The following ADAMTS2 variants were observed in gnomAD, a reference collection of about 807,000 sequenced individuals.
ADAMTS2 encodes the protein A disintegrin and metalloproteinase with thrombospondin motifs 2.
Under a neutral mutation model 123.0 loss-of-function variants are expected in ADAMTS2, and 50 were observed. That is an observed-to-expected ratio of 0.41 (90% CI 0.32 to 0.51). The LOEUF is 0.51. Among genes scored for constraint, ADAMTS2 ranks in the 20% least tolerant of loss-of-function variants. The pLI is 0.35. For missense variants in ADAMTS2, 1,494 were observed against 1,705.2 expected, an observed-to-expected ratio of 0.88 and a Z score of 2.18; for synonymous variants, 678 against 695.4, an observed-to-expected ratio of 0.98 and a Z score of 0.39.
intron 6 of ADAMTS2, among the ~76,000 whole-genome samples, chr5:179,157,558 C>A (rs1366483427): frequency 1.3e-5 from 2 of 151,166 alleles, no homozygotes; most frequent in Non-Finnish European, 2.9e-5. Flanking sequence ...CGCTCTGTCA[C>A]CCAGGCTGGA....
rs1762608708 is a variant in ADAMTS2 at position 179,113,590 on chromosome 5, C to T, written c.*277G>A. On this transcript the variant is annotated 3_prime_UTR_variant, in exon 22 of 22. Coordinates refer to ENST00000251582, the MANE Select transcript of ADAMTS2 (RefSeq NM_014244.5). Reference sequence around the variant, plus strand: ...TCTCAGAGTGATCCCTCTTGCCCTGCCCTCACTGAGGGAGGCCATACAGCC... The same window carrying T: ...TCTCAGAGTGATCCCTCTTGCCCTGTCCTCACTGAGGGAGGCCATACAGCC... 2.0e-6 allele frequency: 1 copy of T among 496,500 alleles called. No homozygotes were observed. The highest frequency in any genetic ancestry group is 1.9e-5 in the African/African-American group (1 of 51,634). The allele number at this position is 496,500 out of a possible 1,614,324, so 30.8% of individuals were successfully genotyped here.
In ADAMTS2 at chr5:179,113,797, G is replaced by T. The variant is rs1315039252; in HGVS notation, c.*70C>A. On this transcript the variant is annotated 3_prime_UTR_variant, in exon 22 of 22. Transcript: ENST00000251582. ...ATTTTGACTTCATCTCCATGACACAGGATTTGCTATCCCATGGAATATCTC... is the reference window on the plus strand; with the variant it reads ...ATTTTGACTTCATCTCCATGACACATGATTTGCTATCCCATGGAATATCTC... 1 of 1,486,076 alleles carries T rather than the reference G, an allele frequency of 6.7e-7. No individual in the cohort carries two copies. The highest frequency in any genetic ancestry group is 9.4e-7 in the Non-Finnish European group (1 of 1,064,878). 92.1% of individuals were successfully genotyped at this position (1,486,076 alleles called of 1,614,324 possible).
At chr5:179,149,003 C>T (rs1007127470) in intron 10 of ADAMTS2, among the ~76,000 whole-genome samples, 1 of 152,174 alleles carries the variant, frequency 6.6e-6, no homozygotes, top group Non-Finnish European at 1.5e-5. Context: ...CAAAGCTCCC[C>T]TCACTCGAGC....
intron 10 of ADAMTS2, among the ~76,000 whole-genome samples, chr5:179,140,815 T>C (rs1763151931): frequency 6.9e-6 from 1 of 144,916 alleles, no homozygotes; most frequent in Admixed American, 6.9e-5. Context: ...TTTTTTTTTT[T>C]TTTGAGACAG....
chr5:179,334,667 T>C (rs1185288409), intron 2 of ADAMTS2, among the ~76,000 whole-genome samples: 1 of 152,172 alleles, frequency 6.6e-6, no homozygotes, highest in Admixed American at 6.5e-5. Flanking sequence ...ATTATCAGTG[T>C]TTACAGAGTG....
rs1414031828 is a variant in ADAMTS2 at position 179,317,098 on chromosome 5, G to A, written c.534+26669C>T. Among the ~76,000 whole-genome samples the A allele has an allele frequency of 6.6e-6, 1 of 152,060 alleles. No homozygotes were observed. The highest frequency in any genetic ancestry group is 1.5e-5 in the Non-Finnish European group (1 of 68,000). ...CAACAGACAATTACAGGAACACAAGGACAAAGCCCAGAGCCCCAACCCCAC... is the reference window on the plus strand; with the variant it reads ...CAACAGACAATTACAGGAACACAAGAACAAAGCCCAGAGCCCCAACCCCAC... On this transcript the variant is annotated intron_variant, in intron 2 of 21. Transcript: ENST00000251582. The surrounding 1 kb of genome is among the most constrained non-coding windows in gnomAD (Gnocchi z 4.9).
chr5:179,227,435 G>A (rs1369017122), intron 3 of ADAMTS2, among the ~76,000 whole-genome samples: 1 of 152,198 alleles, frequency 6.6e-6, no homozygotes. Flanking sequence ...GACAGTCAAG[G>A]CCCAGCTGTG....
chr5:179,177,697 C>G (rs753555738), intron 5 of ADAMTS2, among the ~76,000 whole-genome samples: 1 of 152,060 alleles, frequency 6.6e-6, no homozygotes, highest in Non-Finnish European at 1.5e-5. Flanking sequence ...GGGTTTGACT[C>G]TCTTCTGCAA....
At chr5:179,343,727 G>C (rs1410199662) in intron 2 of ADAMTS2, 40 bp downstream of exon 2, 1 of 1,597,794 alleles carries the variant, frequency 6.3e-7, no homozygotes, top group Non-Finnish European at 8.5e-7. Context: ...ACCCAGGCGA[G>C]AGCAGCGGAG....
chr5:179,283,877 C>T (rs1311302125), intron 2 of ADAMTS2, among the ~76,000 whole-genome samples: 1 of 149,452 alleles, frequency 6.7e-6, no homozygotes, highest in African/African-American at 2.5e-5. Context: ...GAGACAGAGA[C>T]AGACCCTGAC....
rs1757505423 is a variant in ADAMTS2, at chr5:179,332,474, A to G, written c.534+11293T>C. Among the ~76,000 whole-genome samples, 1 of 152,244 alleles carries G rather than the reference A, an allele frequency of 6.6e-6. No individual in the cohort carries two copies. Among genetic ancestry groups the G allele is most frequent in the South Asian group, 2.1e-4 (1 of 4,834 alleles). ...AAATCTGATAATAAAAGGTGTTTCT[A>G]TCACCCTTAACACTCAGGAAATTAC... is the stretch of plus-strand genomic sequence containing the variant. On this transcript the variant is annotated intron_variant, in intron 2 of 21. Transcript: ENST00000251582. The surrounding 1 kb of genome is among the most constrained non-coding windows in gnomAD (Gnocchi z 4.2).
intron 3 of ADAMTS2, among the ~76,000 whole-genome samples, chr5:179,208,922 C>A (rs1305163819): frequency 6.6e-6 from 1 of 152,200 alleles, no homozygotes; most frequent in Non-Finnish European, 1.5e-5. Context: ...GGCCCCGAGG[C>A]CCCTGCAGCT....
chr5:179,182,883 C>T (rs982649984), intron 4 of ADAMTS2, among the ~76,000 whole-genome samples: 5 of 152,108 alleles, frequency 3.3e-5, no homozygotes, highest in Admixed American at 1.3e-4. Context: ...TGACCCATCT[C>T]GCCCCTGTGG....
rs1762700162 is a variant in ADAMTS2 at position 179,118,387 on chromosome 5, T to C, written c.3178+3274A>G. ...CAAGATGAACACTGTGGTTTTACAA[T>C]ATTTGGTCTTCGGCCATTTCCAGTA... is the stretch of plus-strand genomic sequence containing the variant. On this transcript the variant is annotated intron_variant, in intron 21 of 21. Transcript: ENST00000251582. This position sits in a 1 kb window ranked among gnomAD's most constrained non-coding sequence, Gnocchi z 4.5. Among the ~76,000 whole-genome samples the C allele has an allele frequency of 6.6e-6, 1 of 152,102 alleles. No individual in the cohort carries two copies. The highest frequency in any genetic ancestry group is 1.9e-4 in the East Asian group (1 of 5,174).
intron 19 of ADAMTS2, among the ~76,000 whole-genome samples, chr5:179,123,564 T>G (rs1762798626): frequency 1.3e-5 from 2 of 151,824 alleles, no homozygotes; most frequent in Admixed American, 6.6e-5. Context: ...GAGCAGGGAG[T>G]ACAGGCACAC....
At position 179,149,131 on chromosome 5, in the gene ADAMTS2, G is replaced by A. The variant is rs566937215; in HGVS notation, c.1629+3011C>T. Among the ~76,000 whole-genome samples the A allele has an allele frequency of 7.9e-5, 12 of 152,312 alleles. No homozygotes were observed. The South Asian group carries it at 1.2e-3, about 16-fold the overall frequency. Reference sequence around the variant, plus strand: ...TAAGGCAGTGCTGTGGCCTGAGTGCGTGTGTCCCCTCAAATTCATATGGTG... The same window carrying A: ...TAAGGCAGTGCTGTGGCCTGAGTGCATGTGTCCCCTCAAATTCATATGGTG... On this transcript the variant is annotated intron_variant, in intron 10 of 21. Transcript: ENST00000251582.
At chr5:179,136,167 CAG>C in intron 12 of ADAMTS2, 125 bp from the exon 13 acceptor site, 1 of 1,398,570 alleles carries the variant, frequency 7.2e-7, no homozygotes, top group South Asian at 1.2e-5. Context: ...CCAGGGCAGA[CAG>C]AGAGGGAAAG....
At chr5:179,279,337 T>TA (rs11373452) in intron 2 of ADAMTS2, among the ~76,000 whole-genome samples, 11,661 of 152,220 alleles carry the variant, frequency 0.077, 1,466 homozygotes, top group African/African-American at 0.26. Context: ...CCCTCCGAAA[T>TA]ACACACACAG....
At chr5:179,291,199 G>A (rs1756178321) in intron 2 of ADAMTS2, among the ~76,000 whole-genome samples, 1 of 152,236 alleles carries the variant, frequency 6.6e-6, no homozygotes, top group Non-Finnish European at 1.5e-5. Flanking sequence ...GCGGGGCTCT[G>A]GGATACAGCT....
Sources: allele counts gnomAD v4.1 joint callset (sites outside exome capture counted in the v4.1 genomes callset), GRCh38; gene constraint gnomAD v4.1.1; non-coding constraint Gnocchi (gnomAD v3.1); transcripts MANE v1.5; gene names NCBI Gene and HGNC (gene_info 2026-07-23, HGNC 2026-07-21).